The following MOB3A variants were observed in gnomAD, a reference collection of about 807,000 sequenced individuals.
MOB3A encodes the protein MOB kinase activator 3A, also known as MOB LAK.
Under a neutral mutation model 17.8 loss-of-function variants are expected in MOB3A, and 17 were observed. The observed-to-expected ratio is 0.95, with a 90% CI of 0.65 to 1.43. MOB3A has a LOEUF of 1.43. Among genes scored for constraint, MOB3A ranks in the 40% most tolerant of loss-of-function variants. MOB3A has a pLI of 0.00. For missense variants in MOB3A, 333 were observed against 310.8 expected (o/e 1.07, Z -0.54); for synonymous variants, 124 against 133.2 (o/e 0.93, Z 0.48).
intron 2 of MOB3A, among the ~76,000 whole-genome samples, chr19:2,083,485 C>T (rs925801520): frequency 1.3e-5 from 2 of 152,250 alleles, no homozygotes; most frequent in Non-Finnish European, 2.9e-5. Flanking sequence ...CATGGTCCGC[C>T]TGGCACTGAG....
At chr19:2,084,323 T>C in intron 2 of MOB3A, 1 of 347,284 alleles carries the variant, frequency 2.9e-6, no homozygotes, top group Non-Finnish European at 5.8e-6. Context: ...TGAAACCCTA[T>C]CTCCACTAAA....
At chr19:2,085,393 GAAC>G (rs1347373731) in intron 1 of MOB3A, 65 bp from the exon 2 acceptor site, 1 of 62,378 alleles carries the variant, frequency 1.6e-5, no homozygotes, top group Admixed American at 1.7e-4. Context: ...TTTTTTTTTT[GAAC>G]AACACAGTTT....
intron 1 of MOB3A, among the ~76,000 whole-genome samples, chr19:2,087,414 A>G (rs2017566106): frequency 6.6e-6 from 1 of 152,154 alleles, no homozygotes; most frequent in East Asian, 1.9e-4. Context: ...GCACTTTGGG[A>G]GGCCAAGGCA....
chr19:2,094,659 C>T (rs1302919004), intron 1 of MOB3A, among the ~76,000 whole-genome samples: 2 of 152,238 alleles, frequency 1.3e-5, no homozygotes, highest in Non-Finnish European at 2.9e-5. Flanking sequence ...AGAAGGAAGG[C>T]GGTCTTGGGA....
At position 2,078,531 on chromosome 19, in the gene MOB3A, G is replaced by A. The variant is rs1568252651; in HGVS notation, c.30C>T (p.Phe10=). The change falls in exon 3 of 5, where the codon TTC becomes TTT. Residue 10 remains phenylalanine (F), a synonymous_variant. Transcript: ENST00000357066. MSNPFLKQV[F]NKDKTFRPKR... ...TGGGGCGGAATGTCTTGTCCTTGTTGAAGACTTGCTTCAGGAAGGGGTTGG... is the reference window on the plus strand; with the variant it reads ...TGGGGCGGAATGTCTTGTCCTTGTTAAAGACTTGCTTCAGGAAGGGGTTGG... 1 of 1,587,142 alleles carries A rather than the reference G, an allele frequency of 6.3e-7. No homozygotes were observed. Among genetic ancestry groups the A allele is most frequent in the African/African-American group, 1.3e-5 (1 of 74,338 alleles).
rs1368423673 is a variant in MOB3A at position 2,077,090 on chromosome 19, A to G, written c.422-77T>C. 3 of 1,327,400 alleles carry G rather than the reference A, an allele frequency of 2.3e-6. No homozygotes were observed. In the African/African-American group the frequency reaches 4.4e-5, roughly 19 times the overall value. The allele number at this position is 1,327,400 out of a possible 1,614,324, so 82.2% of individuals were successfully genotyped here. A position where few individuals can be genotyped will look rare whatever the true frequency, so the allele number is the denominator to read the frequency against. Reference sequence around the variant, plus strand: ...AGAACCCTTTGCTCCTGGATGTGACAAGGGGCTTCCAGACAGAAATTGCTG... The same window carrying G: ...AGAACCCTTTGCTCCTGGATGTGACGAGGGGCTTCCAGACAGAAATTGCTG... On this transcript the variant is annotated intron_variant, in intron 3 of 4. Coordinates refer to ENST00000357066, the MANE Select transcript of MOB3A (RefSeq NM_130807.3).
intron 1 of MOB3A, among the ~76,000 whole-genome samples, chr19:2,091,831 T>C (rs1325379439): frequency 6.7e-5 from 10 of 150,364 alleles, no homozygotes; most frequent in Admixed American, 5.3e-4. Flanking sequence ...ACCCTGTCTC[T>C]ACTAAAAATA....
rs1012521772 is a variant in MOB3A, at chr19:2,071,734, G to C, written c.*1661C>G. 1.3e-5 allele frequency: 2 copies of C among 152,608 alleles called. No homozygotes were observed. Among genetic ancestry groups the C allele is most frequent in the African/African-American group, 4.8e-5 (2 of 41,466 alleles). 9.5% of individuals were successfully genotyped at this position (152,608 alleles called of 1,614,324 possible). A position where few individuals can be genotyped will look rare whatever the true frequency, so the allele number is the denominator to read the frequency against. ...CACAGAAAAAGGGGTTCAACTGGAA[G>C]TTTGCAGCATCTGGGAAAGGCCAAT... On this transcript the variant is annotated 3_prime_UTR_variant, in exon 5 of 5. Transcript: ENST00000357066.
intron 1 of MOB3A, among the ~76,000 whole-genome samples, chr19:2,094,674 G>A (rs557443705): frequency 2.0e-5 from 3 of 152,222 alleles, no homozygotes; most frequent in Non-Finnish European, 2.9e-5. Flanking sequence ...TTGGGACCAC[G>A]GCCTAGAGGG....
chr19:2,085,882 T>A (rs546798179), intron 1 of MOB3A, among the ~76,000 whole-genome samples: 46 of 134,792 alleles, frequency 3.4e-4, no homozygotes, highest in Non-Finnish European at 5.3e-4. Flanking sequence ...GAGAATGGCC[T>A]GAACCCGGGA....
At chr19:2,080,513 C>G (rs28552397) in intron 2 of MOB3A, among the ~76,000 whole-genome samples, 24,402 of 151,834 alleles carry the variant, frequency 0.16, 2,178 homozygotes, top group South Asian at 0.22. Flanking sequence ...GAGTAGCTGG[C>G]ACTACAGGCA....
At chr19:2,088,943 C>G (rs2017583353) in intron 1 of MOB3A, among the ~76,000 whole-genome samples, 1 of 152,138 alleles carries the variant, frequency 6.6e-6, no homozygotes, top group Admixed American at 6.6e-5. Context: ...AAATTGCCAA[C>G]CTCACCACTA....
intron 1 of MOB3A, chr19:2,095,406 C>T (rs1193478124): frequency 6.6e-6 from 1 of 152,214 alleles, no homozygotes; most frequent in African/African-American, 2.4e-5. Context: ...GCGGGCGCCT[C>T]CTTCCGGGGT....
rs557384779 is a variant in MOB3A at position 2,091,995 on chromosome 19, G to A, written c.-274+4231C>T. ...CTGGGCGACGAGCAAAACTCTGTCT[G>A]TAACAGAAAAAAAAAAGAGAAAGAA... On this transcript the variant is annotated intron_variant, in intron 1 of 4. Transcript: ENST00000357066. 6.2e-4 allele frequency among the ~76,000 whole-genome samples: 88 copies of A among 143,084 alleles called. 1 individual carries two copies. Among genetic ancestry groups the A allele is most frequent in the African/African-American group, 2.1e-3 (81 of 38,934 alleles). The allele number at this position is 143,084 out of a possible 152,430, so 93.9% of individuals were successfully genotyped here.
chr19:2,073,211 C>A lies in MOB3A; in HGVS notation c.*184G>T. 1 of 686,094 alleles carries A rather than the reference C, an allele frequency of 1.5e-6. No homozygotes were observed. Among genetic ancestry groups the A allele is most frequent in the Non-Finnish European group, 2.6e-6 (1 of 389,766 alleles). The allele number at this position is 686,094 out of a possible 1,614,324, so 42.5% of individuals were successfully genotyped here. A position where few individuals can be genotyped will look rare whatever the true frequency, so the allele number is the denominator to read the frequency against. On this transcript the variant is annotated 3_prime_UTR_variant, in exon 5 of 5. Coordinates refer to ENST00000357066, the MANE Select transcript of MOB3A (RefSeq NM_130807.3). ...CCAGACGGGAGACTGAGGCTCGAGA[C>A]TGAGGAAGGCATCTGCCGTCCGGGG...
chr19:2,094,280 C>G (rs2017645402), intron 1 of MOB3A, among the ~76,000 whole-genome samples: 1 of 152,096 alleles, frequency 6.6e-6, no homozygotes, highest in Non-Finnish European at 1.5e-5. Flanking sequence ...ATCTCCTGAC[C>G]TCGTGATCCA....
chr19:2,087,427 A>T (rs1280533921), intron 1 of MOB3A, among the ~76,000 whole-genome samples: 1 of 152,188 alleles, frequency 6.6e-6, no homozygotes, highest in Non-Finnish European at 1.5e-5. Context: ...CCAAGGCAGG[A>T]GGACTGCTTG....
intron 1 of MOB3A, chr19:2,090,246 C>T (rs1378621188): frequency 6.6e-6 from 1 of 152,278 alleles, no homozygotes; most frequent in East Asian, 1.9e-4. Flanking sequence ...CTCAGCCCAT[C>T]CCTTTGTCCC....
intron 1 of MOB3A, among the ~76,000 whole-genome samples, chr19:2,086,725 G>T (rs1179794123): frequency 3.3e-5 from 5 of 152,120 alleles, no homozygotes; most frequent in Non-Finnish European, 7.4e-5. Flanking sequence ...CCTGCTGGAG[G>T]ATGGCTGCGT....
Sources: allele counts gnomAD v4.1 joint callset (sites outside exome capture counted in the v4.1 genomes callset), GRCh38; gene constraint gnomAD v4.1.1; transcripts MANE v1.5; gene names NCBI Gene and HGNC (gene_info 2026-07-23, HGNC 2026-07-21).